DPP6: variants seen among roughly 807,000 people sequenced by gnomAD.
The protein encoded by DPP6 is dipeptidyl peptidase like 6, also known as A-type potassium channel modulatory protein DPP6.
Under a neutral mutation model 122.6 loss-of-function variants are expected in DPP6, and 69 were observed. The observed-to-expected ratio is 0.56, with a 90% CI of 0.46 to 0.69. The LOEUF (loss-of-function observed/expected upper bound fraction) is 0.69, where lower values mean the gene tolerates loss of function less well. DPP6 is among the 30% of genes least tolerant of loss of function. The pLI is 0.00. For missense variants in DPP6, 928 were observed against 1,116.9 expected (o/e 0.83, Z 2.41); for synonymous variants, 418 against 433.1 (o/e 0.97, Z 0.43).
In DPP6 at chr7:154,019,222, A is replaced by C. The variant is rs1798575626; in HGVS notation, c.51+131488A>C. On this transcript the variant is annotated intron_variant, in intron 1 of 25. Transcript: ENST00000404039. ...TTATTAAGAGTCTGTTATCTTCTTT[A>C]AATTTAATTTCATGAATAATGAAAT... 3.3e-5 allele frequency among the ~76,000 whole-genome samples: 5 copies of C among 152,264 alleles called. No individual in the cohort carries two copies. In the South Asian group the frequency reaches 1.0e-3, roughly 32 times the overall value.
At chr7:154,302,176 C>T (rs1287412528) in intron 1 of DPP6, among the ~76,000 whole-genome samples, 1 of 152,078 alleles carries the variant, frequency 6.6e-6, no homozygotes, top group African/African-American at 2.4e-5. Flanking sequence ...ATTAGCAACT[C>T]CTCACCTCCC....
chr7:154,074,104 G>GAGATATATATAGATATCTAT, intron 1 of DPP6, among the ~76,000 whole-genome samples: 1 of 81,964 alleles, frequency 1.2e-5, no homozygotes, highest in South Asian at 4.2e-4. Flanking sequence ...TCTATATAGA[G>GAGATATATATAGATATCTAT]ATAGAGAGAT....
At chr7:153,968,133 C>T (rs1385788278) in intron 1 of DPP6, among the ~76,000 whole-genome samples, 1 of 150,092 alleles carries the variant, frequency 6.7e-6, no homozygotes, top group Non-Finnish European at 1.5e-5. Flanking sequence ...TGAGCCTGCT[C>T]TTCACAGTGG....
intron 5 of DPP6, among the ~76,000 whole-genome samples, chr7:154,610,006 C>A (rs1341027946): frequency 6.6e-6 from 1 of 152,156 alleles, no homozygotes; most frequent in Non-Finnish European, 1.5e-5. Context: ...ACAATCCATT[C>A]ATTTATTCCT....
the DPP6 span, among the ~76,000 whole-genome samples, chr7:153,881,668 C>T: frequency 2.0e-5 from 3 of 152,162 alleles, no homozygotes; most frequent in African/African-American, 7.2e-5. Flanking sequence ...ACACGGCTCA[C>T]ATGGCTCTCA....
At chr7:153,846,483 T>A in the DPP6 span, among the ~76,000 whole-genome samples, 8 of 152,246 alleles carry the variant, frequency 5.3e-5, no homozygotes, top group South Asian at 1.4e-3. Flanking sequence ...CTTATTAATT[T>A]TTTTTTGTAT....
intron 1 of DPP6, among the ~76,000 whole-genome samples, chr7:154,054,269 G>T (rs1800636665): frequency 6.6e-6 from 1 of 152,224 alleles, no homozygotes; most frequent in South Asian, 2.1e-4. Flanking sequence ...AGCCACGCTG[G>T]TTCCCTGTTT....
chr7:154,007,296 G>C (rs1247106299), intron 1 of DPP6, among the ~76,000 whole-genome samples: 1 of 152,214 alleles, frequency 6.6e-6, no homozygotes, highest in Non-Finnish European at 1.5e-5. Flanking sequence ...ATTGTTATTT[G>C]TTCCTTTCAC....
At chr7:153,791,816 G>C in the DPP6 span, among the ~76,000 whole-genome samples, 176 of 152,328 alleles carry the variant, frequency 1.2e-3, 2 homozygotes, top group African/African-American at 4.0e-3. Context: ...TTAAGACAGA[G>C]GTCATGAAGA....
the DPP6 span, among the ~76,000 whole-genome samples, chr7:153,879,295 G>A: frequency 6.6e-6 from 1 of 152,144 alleles, no homozygotes; most frequent in Non-Finnish European, 1.5e-5. Flanking sequence ...ATAATTGTGT[G>A]GATGCTGGGG....
At chr7:154,259,319 C>T (rs887074526) in intron 1 of DPP6, among the ~76,000 whole-genome samples, 1 of 152,202 alleles carries the variant, frequency 6.6e-6, no homozygotes, top group Non-Finnish European at 1.5e-5. Context: ...GTGACTGCAC[C>T]TAGGTCCTCC....
intron 1 of DPP6, among the ~76,000 whole-genome samples, chr7:154,079,998 G>T (rs991295362): frequency 3.3e-5 from 5 of 151,082 alleles, no homozygotes; most frequent in Non-Finnish European, 7.4e-5. Context: ...TTTAAGAAAG[G>T]CACCAAATAC....
chr7:154,292,473 T>G (rs909294061), intron 1 of DPP6, among the ~76,000 whole-genome samples: 1 of 152,244 alleles, frequency 6.6e-6, no homozygotes, highest in African/African-American at 2.4e-5. Context: ...TAATTCACTA[T>G]GAAACCAATT....
intron 7 of DPP6, among the ~76,000 whole-genome samples, chr7:154,682,191 C>A (rs925184358): frequency 6.6e-6 from 1 of 152,114 alleles, no homozygotes; most frequent in South Asian, 2.1e-4. Context: ...GTGAGCAATA[C>A]CAAGGAAGAA....
chr7:154,114,003 G>A (rs1806796795), intron 1 of DPP6, among the ~76,000 whole-genome samples: 1 of 151,976 alleles, frequency 6.6e-6, no homozygotes, highest in Admixed American at 6.6e-5. Context: ...GAAACTAAAG[G>A]CATCTAAATG....
rs1201740168 is a variant in DPP6, at chr7:154,474,967, G to A, written c.387G>A (p.Lys129=). Residue 129 remains lysine, a synonymous_variant, in exon 3 of 26, where the codon AAG becomes AAA. Transcript: ENST00000377770. Reference sequence around the variant, plus strand: ...AAGATAATAGTCTGTCTCAAAAGAAGAAGGTCACTGTAGAAGATCTCTTCA... The same window carrying A: ...AAGATAATAGTCTGTCTCAAAAGAAAAAGGTCACTGTAGAAGATCTCTTCA... ...PAEDNSLSQK[K]KVTVEDLFSE... is the part of the protein sequence containing the mutation. The A allele has an allele frequency of 8.1e-6, 13 of 1,613,538 alleles. No individual in the cohort carries two copies. Among genetic ancestry groups the A allele is most frequent in the African/African-American group, 1.3e-5 (1 of 74,892 alleles).
chr7:154,352,808 G>A (rs1007641436), intron 1 of DPP6, among the ~76,000 whole-genome samples: 3 of 152,276 alleles, frequency 2.0e-5, no homozygotes, highest in Middle Eastern at 3.4e-3. Context: ...AAACCTGCAC[G>A]TTCTTCACAT....
intron 1 of DPP6, among the ~76,000 whole-genome samples, chr7:154,319,062 A>G (rs1004458710): frequency 6.6e-6 from 1 of 152,006 alleles, no homozygotes; most frequent in Non-Finnish European, 1.5e-5. Context: ...GGTGTCTGCC[A>G]TGTCAGGGGA....
chr7:154,545,090 A>C (rs1412737331), intron 4 of DPP6, among the ~76,000 whole-genome samples: 1 of 152,240 alleles, frequency 6.6e-6, no homozygotes, highest in Non-Finnish European at 1.5e-5. Flanking sequence ...AACATCAATA[A>C]AAAATCAAAC....
Sources: gnomAD v4.1 joint callset for allele counts (sites outside exome capture counted in the v4.1 genomes callset) on GRCh38, gnomAD v4.1.1 for gene constraint, MANE v1.5 for transcripts, NCBI Gene and HGNC (gene_info 2026-07-23, HGNC 2026-07-21) for gene names.